CAPN11: variants seen among roughly 807,000 people sequenced by gnomAD.
CAPN11 encodes calpain-11.
In CAPN11, 108 loss-of-function variants were observed where a neutral mutation model predicts 105.3. The observed-to-expected ratio is 1.03, with a 90% CI of 0.88 to 1.20. The LOEUF (loss-of-function observed/expected upper bound fraction) is 1.20. Among genes scored for constraint, CAPN11 ranks in the 50% most tolerant of loss-of-function variants. The pLI is 0.00. For synonymous variants in CAPN11, 329 were observed against 344.5 expected, an observed-to-expected ratio of 0.96 and a Z score of 0.50; for missense variants, 883 against 924.8, an observed-to-expected ratio of 0.95 and a Z score of 0.59.
chr6:44,181,669 C>CAT (rs1561854529), intron 19 of CAPN11, among the ~76,000 whole-genome samples: 3 of 24,240 alleles, frequency 1.2e-4, no homozygotes, highest in Non-Finnish European at 1.7e-4. Context: ...CACTCACACA[C>CAT]ACATACTCAC....
intron 1 of CAPN11, among the ~76,000 whole-genome samples, chr6:44,160,789 T>C (rs1319976685): frequency 5.9e-5 from 9 of 152,222 alleles, no homozygotes; most frequent in African/African-American, 9.7e-5. Flanking sequence ...CGCTGTCAAC[T>C]GCAGTCTGAA....
rs545558310 is a variant in CAPN11 at position 44,183,821 on chromosome 6, C to T, written c.2193+58C>T. 7 of 1,577,710 alleles carry T rather than the reference C, an allele frequency of 4.4e-6. No individual in the cohort carries two copies. In the Admixed American group the frequency reaches 1.2e-4, roughly 28 times the overall value. ...GATTGCACCTGCCTGCCCCTCAACC[C>T]CACCCCCACCCAGCTCTGATGTCCC... On this transcript the variant is annotated intron_variant, in intron 22 of 22. Coordinates refer to ENST00000398776, the MANE Select transcript of CAPN11 (RefSeq NM_007058.4).
At chr6:44,183,569 C>T (rs1774129300) in intron 21 of CAPN11, 136 bp from the exon 22 acceptor site, 3 of 812,170 alleles carry the variant, frequency 3.7e-6, no homozygotes, top group East Asian at 2.7e-5. Context: ...TCATTAATTC[C>T]CCACTTGGCT....
chr6:44,183,205 A>C lies in CAPN11; in HGVS notation c.2104A>C (p.Ser702Arg). The C allele has an allele frequency of 1.2e-6, 2 of 1,612,800 alleles. No homozygotes were observed. Among genetic ancestry groups the C allele is most frequent in the South Asian group, 1.1e-5 (1 of 91,052 alleles). The change falls in exon 21 of 23, where the codon AGC (serine) becomes CGC (arginine). Residue 702 changes from serine to arginine, a missense_variant. Coordinates refer to ENST00000398776, the MANE Select transcript of CAPN11 (RefSeq NM_007058.4). The part of the protein sequence containing the change: ...DLIIDFDSFI[S>R]CFLRLKTMFT... ...GATCATAGACTTTGACAGCTTCATC[A>C]GCTGTTTCCTGAGGCTAAAGACCAT...
rs1772132208 is a variant in CAPN11 at position 44,176,854 on chromosome 6, T to C, written c.1093T>C (p.Phe365Leu). 6.2e-7 allele frequency: 1 copy of C among 1,613,704 alleles called. No homozygotes were observed. The highest frequency in any genetic ancestry group is 8.5e-7 in the Non-Finnish European group (1 of 1,179,856). ...CCACCACAGGATGTCCTACCAAGATTTCCTGAACAACTTCACGCTCCTGGA... is the reference window on the plus strand; with the variant it reads ...CCACCACAGGATGTCCTACCAAGATCTCCTGAACAACTTCACGCTCCTGGA... ...DGEFWMSYQDFLNNFTLLEIC... is the reference protein window; with the variant it reads ...DGEFWMSYQDLLNNFTLLEIC... Residue 365 changes from phenylalanine (F) to leucine (L), a missense_variant, in exon 11 of 23, where the codon TTC (phenylalanine) becomes CTC (leucine). Transcript: ENST00000398776.
chr6:44,158,984 C>A (rs755962699), intron 1 of CAPN11, 120 bp downstream of exon 1: 1 of 566,854 alleles, frequency 1.8e-6, no homozygotes, highest in Non-Finnish European at 2.7e-6. Context: ...GAGAGTGACT[C>A]TTCCATCAGA....
intron 18 of CAPN11, 64 bp downstream of exon 18, chr6:44,181,061 C>T: frequency 6.9e-7 from 1 of 1,444,540 alleles, no homozygotes; most frequent in Non-Finnish European, 9.7e-7. Flanking sequence ...CCAGAGATGG[C>T]CACCCTGGGC....
intron 1 of CAPN11, chr6:44,162,002 C>T (rs1290215612): frequency 2.1e-5 from 9 of 424,662 alleles, no homozygotes; most frequent in East Asian, 7.2e-5. Context: ...CACTGAGGGG[C>T]GCCCAGCAGC....
intron 1 of CAPN11, among the ~76,000 whole-genome samples, chr6:44,162,336 C>T (rs1273988308): frequency 2.6e-5 from 4 of 151,244 alleles, no homozygotes; most frequent in East Asian, 1.9e-4. Flanking sequence ...AACCCCGCCC[C>T]CGCAGCCCCC....
chr6:44,160,179 C>A (rs1225617706), intron 1 of CAPN11, among the ~76,000 whole-genome samples: 2 of 152,066 alleles, frequency 1.3e-5, no homozygotes, highest in Non-Finnish European at 2.9e-5. Context: ...AGTGTTCTCA[C>A]CACAAACAAA....
intron 2 of CAPN11, 74 bp downstream of exon 2, chr6:44,166,903 TG>T: frequency 1.3e-6 from 1 of 790,184 alleles, no homozygotes; most frequent in Non-Finnish European, 1.9e-6. Flanking sequence ...TCTCTTCCCC[TG>T]GGCCTGCTGG....
rs754019178 is a variant in CAPN11, at chr6:44,169,408, C to T, written c.216C>T (p.Ala72=). ...GNQSFEELRA[A]CLRKGELFED... ...AGAGCTTTGAGGAGCTGCGAGCAGCCTGTCTAAGAAAGGGGGAGCTCTTCG... is the reference window on the plus strand; with the variant it reads ...AGAGCTTTGAGGAGCTGCGAGCAGCTTGTCTAAGAAAGGGGGAGCTCTTCG... Residue 72 remains alanine, a synonymous_variant, in exon 3 of 23, where the codon GCC becomes GCT. Transcript: ENST00000398776. The T allele has an allele frequency of 7.4e-6, 12 of 1,613,960 alleles. No homozygotes were observed. Among genetic ancestry groups the T allele is most frequent in the Non-Finnish European group, 1.0e-5 (12 of 1,179,868 alleles).
intron 19 of CAPN11, among the ~76,000 whole-genome samples, chr6:44,182,423 G>A (rs1413889639): frequency 6.6e-6 from 1 of 152,134 alleles, no homozygotes; most frequent in East Asian, 1.9e-4. Context: ...GTATCATCTA[G>A]TCATGAAGGA....
In CAPN11 at chr6:44,173,366, C is replaced by T. The variant is rs763499312; in HGVS notation, c.811C>T (p.Leu271Phe). The T allele has an allele frequency of 1.9e-6, 3 of 1,611,320 alleles. No individual in the cohort carries two copies. The highest frequency in any genetic ancestry group is 2.2e-5 in the East Asian group (1 of 44,832). The change falls in exon 7 of 23, where the codon CTC (leucine) becomes TTC (phenylalanine). Residue 271 changes from leucine to phenylalanine, a missense_variant. By Grantham distance (22) the Leu-to-Phe change is conservative (BLOSUM62 0). Transcript: ENST00000398776. ...LLRKAVERSS[L>F]MGCSIEVTSD... ...TAGGAAGGCCGTGGAGCGATCCTCC[C>T]TCATGGGTTGCTCCATTGAAGTAAG... is the stretch of plus-strand genomic sequence containing the variant.
intron 4 of CAPN11, among the ~76,000 whole-genome samples, chr6:44,170,482 C>A (rs1770788739): frequency 6.6e-6 from 1 of 152,156 alleles, no homozygotes; most frequent in Non-Finnish European, 1.5e-5. Flanking sequence ...GGCCCCAGTT[C>A]CTCACCACAT....
intron 1 of CAPN11, chr6:44,161,997 A>G (rs1039576852): frequency 1.4e-5 from 6 of 430,956 alleles, no homozygotes; most frequent in Non-Finnish European, 2.9e-5. Context: ...CTCTACACTG[A>G]GGGGCGCCCA....
rs370236706 is a variant in CAPN11, at chr6:44,174,229, C to T, written c.831+843C>T. On this transcript the variant is annotated intron_variant, in intron 7 of 22. Transcript: ENST00000398776. ...ACAGCAACTTTATTCATTATAGCCCCGAAACAGGAAACAACCTAGATGTCC... is the reference window on the plus strand; with the variant it reads ...ACAGCAACTTTATTCATTATAGCCCTGAAACAGGAAACAACCTAGATGTCC... Among the ~76,000 whole-genome samples the T allele has an allele frequency of 6.6e-5, 10 of 152,156 alleles. 1 individual carries two copies. The highest frequency in any genetic ancestry group is 3.9e-4 in the East Asian group (2 of 5,192).
At chr6:44,158,927 G>A in intron 1 of CAPN11, 63 bp downstream of exon 1, 1 of 1,425,358 alleles carries the variant, frequency 7.0e-7, no homozygotes. Context: ...CTCCCCCCAG[G>A]GGAGGAGCTG....
intron 19 of CAPN11, among the ~76,000 whole-genome samples, chr6:44,181,974 CACAT>C (rs1773661201): frequency 5.9e-5 from 7 of 117,992 alleles, no homozygotes; most frequent in African/African-American, 2.6e-4. Flanking sequence ...CATACACACT[CACAT>C]ACAGACACAA....
Sources: gnomAD v4.1 joint callset for allele counts (sites outside exome capture counted in the v4.1 genomes callset) on GRCh38, gnomAD v4.1.1 for gene constraint, MANE v1.5 for transcripts, NCBI Gene and HGNC (gene_info 2026-07-23, HGNC 2026-07-21) for gene names.